The following POLL variants were observed in gnomAD, a reference collection of about 807,000 sequenced individuals.
The protein encoded by POLL is DNA polymerase beta-2.
Under a neutral mutation model 58.1 loss-of-function variants are expected in POLL, and 44 were observed. The observed-to-expected ratio is 0.76, with a 90% CI of 0.60 to 0.97. The LOEUF is 0.97. POLL is among the 50% of genes least tolerant of loss of function. The probability of loss-of-function intolerance (pLI) is 0.00; values close to 1 mark genes in which losing one functional copy is unlikely to be tolerated. For missense variants in POLL, 632 were observed against 736.8 expected (o/e 0.86, Z 1.65); for synonymous variants, 290 against 283.2 (o/e 1.02, Z -0.24).
rs373655289 is a variant in POLL at position 101,582,942 on chromosome 10, G to A, written c.1066-51C>T. On this transcript the variant is annotated intron_variant, in intron 6 of 8. Coordinates refer to ENST00000370162, the MANE Select transcript of POLL (RefSeq NM_001174084.2). ...GCTGTAAGGATCCAGGACCAATGAA[G>A]AGGCATGAGTGAGCACACACACAAG... 6 of 1,611,952 alleles carry A rather than the reference G, an allele frequency of 3.7e-6. No individual in the cohort carries two copies. The African/African-American group carries it at 6.7e-5, about 18-fold the overall frequency.
In POLL at chr10:101,584,953, C is replaced by A. The variant is rs1240236659; in HGVS notation, c.574-34G>T. On this transcript the variant is annotated intron_variant, in intron 4 of 8. Transcript: ENST00000370162. ...AGAGAAGAAAAGAAAACAATAAATT[C>A]TTGTTCTCCAAGAGAAGGGATCCTT... is the stretch of plus-strand genomic sequence containing the variant. The A allele has an allele frequency of 1.7e-5, 22 of 1,310,782 alleles. 1 individual carries two copies. In the South Asian group the frequency reaches 5.2e-4, roughly 31 times the overall value. 81.2% of individuals were successfully genotyped at this position (1,310,782 alleles called of 1,614,324 possible).
rs1040417492 is a variant in POLL at position 101,579,092 on chromosome 10, C to A, written c.*361G>T. On this transcript the variant is annotated 3_prime_UTR_variant, in exon 9 of 9. Coordinates refer to ENST00000370162, the MANE Select transcript of POLL (RefSeq NM_001174084.2). The surrounding 1 kb of genome is among the most constrained non-coding windows in gnomAD (Gnocchi z 4.4). ...CTCTCCCCTGCAGCTTCTGTCCCCA[C>A]CCAGCAGCTTGGCCTTTCCCATAGC... The A allele has an allele frequency of 1.1e-5, 3 of 281,754 alleles. No homozygotes were observed. The highest frequency in any genetic ancestry group is 4.3e-5 in the African/African-American group (2 of 46,190). 17.5% of individuals were successfully genotyped at this position (281,754 alleles called of 1,614,324 possible). A position where few individuals can be genotyped will look rare whatever the true frequency, so the allele number is the denominator to read the frequency against.
Position 101,579,820 on chromosome 10 carries a change from G to T in POLL, c.1364-3C>A. The T allele has an allele frequency of 6.2e-7, 1 of 1,610,436 alleles. No individual in the cohort carries two copies. Among genetic ancestry groups the T allele is most frequent in the Non-Finnish European group, 8.5e-7 (1 of 1,178,126 alleles). ...CACCAAGTCATCTGTGAGGAACCCTGGCCCAACAGAGGGGACTGCTGGGAG... is the reference window on the plus strand; with the variant it reads ...CACCAAGTCATCTGTGAGGAACCCTTGCCCAACAGAGGGGACTGCTGGGAG... On this transcript the variant is annotated splice_region_variant and splice_polypyrimidine_tract_variant and intron_variant, in intron 8 of 8. Coordinates refer to ENST00000370162, the MANE Select transcript of POLL (RefSeq NM_001174084.2). The surrounding 1 kb of genome is among the most constrained non-coding windows in gnomAD (Gnocchi z 4.4).
Position 101,579,527 on chromosome 10 carries a change from G to A in POLL, c.1654C>T (p.Pro552Ser), listed in dbSNP as rs1445065119. ...AAGACATCCTTCTCAGTGGGAGTGG[G>A]CAGCACTCGGCCAGGCCCCACCTTG... is the stretch of plus-strand genomic sequence containing the variant. ...GCKVGPGRVL[P>S]TPTEKDVFRL... The change falls in exon 9 of 9, where the codon CCC (proline) becomes TCC (serine). Residue 552 changes from proline (P) to serine (S), a missense_variant. Pro to Ser is a moderately conservative substitution (Grantham distance 74). Transcript: ENST00000370162. The surrounding 1 kb of genome is among the most constrained non-coding windows in gnomAD (Gnocchi z 4.4). 8 of 1,613,808 alleles carry A rather than the reference G, an allele frequency of 5.0e-6. No individual in the cohort carries two copies. Among genetic ancestry groups the A allele is most frequent in the Non-Finnish European group, 6.8e-6 (8 of 1,179,982 alleles).
In POLL at chr10:101,582,796, C is replaced by T; in HGVS notation, c.1161G>A (p.Met387Ile). Residue 387 changes from methionine to isoleucine, a missense_variant, in exon 7 of 9, where the codon ATG becomes ATA. Coordinates refer to ENST00000370162, the MANE Select transcript of POLL (RefSeq NM_001174084.2). ...CAATCTCTGTAGCCTCCTCCCTGGG[C>T]ATACGTTCCAGGAAGTCACTGTAAT... ...LKHYSDFLER[M>I]PREEATEIEQ... The T allele has an allele frequency of 2.5e-6, 4 of 1,614,214 alleles. No individual in the cohort carries two copies. The highest frequency in any genetic ancestry group is 2.2e-5 in the East Asian group (1 of 44,890).
chr10:101,584,915 A>G lies in POLL; in HGVS notation c.578T>C (p.Ile193Thr), dbSNP rs1410904428. ...KEAPNTQAQP[I>T]SDDEASDGEE... Reference sequence around the variant, plus strand: ...CCCATCACTGGCTTCATCATCAGAGATGGGCTTGGGATAGAGAAGAAAAGA... The same window carrying G: ...CCCATCACTGGCTTCATCATCAGAGGTGGGCTTGGGATAGAGAAGAAAAGA... The change falls in exon 5 of 9, where the codon ATC becomes ACC. Residue 193 changes from isoleucine (I) to threonine (T), a missense_variant. Transcript: ENST00000370162. The G allele has an allele frequency of 1.4e-6, 2 of 1,421,176 alleles. No homozygotes were observed. Among genetic ancestry groups the G allele is most frequent in the African/African-American group, 1.4e-5 (1 of 69,458 alleles). The allele number at this position is 1,421,176 out of a possible 1,614,324, so 88.0% of individuals were successfully genotyped here.
rs1589674358 is a variant in POLL at position 101,582,888 on chromosome 10, A to C, written c.1069T>G (p.Phe357Val). 2 of 1,614,194 alleles carry C rather than the reference A, an allele frequency of 1.2e-6. No individual in the cohort carries two copies. Among genetic ancestry groups the C allele is most frequent in the Middle Eastern group, 1.6e-4 (1 of 6,062 alleles). The change falls in exon 7 of 9, where the codon TTC becomes GTC. Residue 357 changes from phenylalanine to valine, a missense_variant. Physicochemically the swap from Phe to Val is conservative, Grantham distance 50 (BLOSUM62 -1). Transcript: ENST00000370162. ...KTAQMWYQQG[F>V]RSLEDIRSQA... The stretch of plus-strand genomic sequence containing the variant: ...CTGCGGATGTCTTCCAGACTTCGGA[A>C]GCCCTGGAAAAAAGCAGCCAGATGG...
chr10:101,587,287 A>G lies in POLL; in HGVS notation c.74T>C (p.Leu25Pro), dbSNP rs1162606453. 1 of 1,614,106 alleles carries G rather than the reference A, an allele frequency of 6.2e-7. No individual in the cohort carries two copies. The highest frequency in any genetic ancestry group is 8.5e-7 in the Non-Finnish European group (1 of 1,180,002). ...KIHADASSKV[L>P]AKIPRREEGE... is the part of the protein sequence containing the mutation. ...CTCTTCCCTCCTAGGAATCTTTGCA[A>G]GTACTTTTGATGATGCATCAGCATG... Residue 25 changes from leucine to proline, a missense_variant, in exon 2 of 9, where the codon CTT becomes CCT. Transcript: ENST00000370162.
Position 101,579,318 on chromosome 10 carries a change from G to A in POLL, c.*135C>T, listed in dbSNP as rs2062845347. On this transcript the variant is annotated 3_prime_UTR_variant, in exon 9 of 9. Transcript: ENST00000370162. The surrounding 1 kb of genome is among the most constrained non-coding windows in gnomAD (Gnocchi z 4.4). Reference sequence around the variant, plus strand: ...GGCTGGCTCTTGCTTCAGGCCCAGAGCCCTGGGCCCTGCTCGCTGAGGAAG... The same window carrying A: ...GGCTGGCTCTTGCTTCAGGCCCAGAACCCTGGGCCCTGCTCGCTGAGGAAG... 9 of 1,061,300 alleles carry A rather than the reference G, an allele frequency of 8.5e-6. No individual in the cohort carries two copies. Among genetic ancestry groups the A allele is most frequent in the South Asian group, 1.6e-5 (1 of 63,264 alleles). The allele number at this position is 1,061,300 out of a possible 1,614,324, so 65.7% of individuals were successfully genotyped here. A position where few individuals can be genotyped will look rare whatever the true frequency, so the allele number is the denominator to read the frequency against.
Position 101,588,231 on chromosome 10 carries a change from G to A in POLL, c.-456C>T, listed in dbSNP as rs28372815. On this transcript the variant is annotated 5_prime_UTR_variant, in exon 1 of 9. Coordinates refer to ENST00000370162, the MANE Select transcript of POLL (RefSeq NM_001174084.2). Reference sequence around the variant, plus strand: ...GCAGAGCCAATGAGAGCGGACGAAGGGGGGAAGGAGGGCAAATGGCCAGAA... The same window carrying A: ...GCAGAGCCAATGAGAGCGGACGAAGAGGGGAAGGAGGGCAAATGGCCAGAA... 6.5e-7 allele frequency: 1 copy of A among 1,549,922 alleles called. No homozygotes were observed. Among genetic ancestry groups the A allele is most frequent in the Non-Finnish European group, 8.7e-7 (1 of 1,146,908 alleles).
Position 101,579,672 on chromosome 10 carries a change from C to T in POLL, c.1509G>A (p.Leu503=). 6.2e-7 allele frequency: 1 copy of T among 1,613,918 alleles called. No homozygotes were observed. Among genetic ancestry groups the T allele is most frequent in the South Asian group, 1.1e-5 (1 of 91,080 alleles). Residue 503 remains leucine (L), a synonymous_variant, in exon 9 of 9, where the codon CTG becomes CTA. Transcript: ENST00000370162. The surrounding 1 kb of genome is among the most constrained non-coding windows in gnomAD (Gnocchi z 4.4). ...AGTGTGCAGAGCCGGTGAAGTAGAG[C>T]AGGGCACAGGCAAACTCGCTATAGG... ...VVPYSEFACA[L]LYFTGSAHFN...
chr10:101,585,185 G>C, intron 4 of POLL, 131 bp downstream of exon 4: 1 of 741,084 alleles, frequency 1.3e-6, no homozygotes, highest in Non-Finnish European at 2.2e-6. Flanking sequence ...GTTGGGAAGA[G>C]CTAAATGGCT....
In POLL at chr10:101,585,351, G is replaced by T. The variant is rs1271780553; in HGVS notation, c.538C>A (p.Gln180Lys). Reference protein sequence around the residue: ...PPPTRPVSPPQKAKEAPNTQA... With the variant: ...PPPTRPVSPPKKAKEAPNTQA... ...GTGTTTGGTGCCTCTTTTGCCTTTT[G>T]GGGAGGAGACACAGGCCTGGTGGGA... The change falls in exon 4 of 9, where the codon CAA (glutamine) becomes AAA (lysine). Residue 180 changes from glutamine to lysine, a missense_variant. By Grantham distance (53) the Gln-to-Lys change is moderately conservative. Transcript: ENST00000370162. 6.3e-7 allele frequency: 1 copy of T among 1,594,048 alleles called. No individual in the cohort carries two copies. Among genetic ancestry groups the T allele is most frequent in the African/African-American group, 1.3e-5 (1 of 74,086 alleles).
chr10:101,583,579 C>T lies in POLL; in HGVS notation c.994G>A (p.Val332Met), dbSNP rs778506125. Residue 332 changes from valine (V) to methionine (M), a missense_variant, in exon 6 of 9, where the codon GTG becomes ATG. By Grantham distance (21) the Val-to-Met change is conservative. Transcript: ENST00000370162. ...LRKLDHISESVPVLELFSNIW... is the reference protein window; with the variant it reads ...LRKLDHISESMPVLELFSNIW... ...TTGGAGAAGAGCTCCAAGACAGGCA[C>T]GCTCTCACTGATATGGTCCAGCTTC... The T allele has an allele frequency of 5.6e-6, 9 of 1,613,964 alleles. No individual in the cohort carries two copies. Among genetic ancestry groups the T allele is most frequent in the African/African-American group, 2.7e-5 (2 of 74,924 alleles).
chr10:101,587,798 A>T, intron 1 of POLL, 24 bp downstream of exon 1: 2 of 1,189,886 alleles, frequency 1.7e-6, no homozygotes, highest in African/African-American at 3.2e-5. Flanking sequence ...ACCTGCACAT[A>T]AACCCCACAT....
At chr10:101,584,268 C>G (rs961917557) in intron 5 of POLL, among the ~76,000 whole-genome samples, 1 of 151,742 alleles carries the variant, frequency 6.6e-6, no homozygotes, top group Non-Finnish European at 1.5e-5. Flanking sequence ...TTGCTTGAGC[C>G]CAGGAGTTCA....
rs765062611 is a variant in POLL, at chr10:101,580,323, C to T, written c.1288G>A (p.Val430Met). 1.6e-5 allele frequency: 26 copies of T among 1,613,934 alleles called. No homozygotes were observed. The highest frequency in any genetic ancestry group is 1.6e-4 in the Middle Eastern group (1 of 6,084). The part of the protein sequence containing the change: ...RGKATCGDVD[V>M]LITHPDGRSH... ...CGGCCATCTGGGTGAGTGATGAGCA[C>T]GTCGACATCACCACAGGTCGCCTTT... Residue 430 changes from valine (V) to methionine (M), a missense_variant, in exon 8 of 9, where the codon GTG (valine) becomes ATG (methionine). Coordinates refer to ENST00000370162, the MANE Select transcript of POLL (RefSeq NM_001174084.2). This position sits in a 1 kb window ranked among gnomAD's most constrained non-coding sequence, Gnocchi z 4.1.
rs756946598 is a variant in POLL, at chr10:101,586,053, G to A, written c.219C>T (p.Cys73=). The A allele has an allele frequency of 2.5e-6, 4 of 1,613,926 alleles. No homozygotes were observed. The highest frequency in any genetic ancestry group is 3.4e-6 in the Non-Finnish European group (4 of 1,180,008). ...KQIVQHGGQL[C]PAQGPGVTHI... is the part of the protein sequence containing the mutation. ...GAGTGACACCTGGGCCCTGGGCAGG[G>A]CATAGCTGGCCGCCATGCTGAACAA... Residue 73 remains cysteine (C), a synonymous_variant, in exon 3 of 9, where the codon TGC becomes TGT. Coordinates refer to ENST00000370162, the MANE Select transcript of POLL (RefSeq NM_001174084.2).
At position 101,582,766 on chromosome 10, in the gene POLL, C is replaced by T. The variant is rs141596425; in HGVS notation, c.1191G>A (p.Gln397=). 6.2e-7 allele frequency: 1 copy of T among 1,613,934 alleles called. No homozygotes were observed. Among genetic ancestry groups the T allele is most frequent in the African/African-American group, 1.3e-5 (1 of 75,058 alleles). The change falls in exon 7 of 9, where the codon CAG becomes CAA. Residue 397 remains glutamine, a synonymous_variant. Transcript: ENST00000370162. The part of the protein sequence containing the change: ...MPREEATEIE[Q]TVQKAAQAFN... ...CTGCTCTGGGACACCTGCTTACTGTCTGCTCAATCTCTGTAGCCTCCTCCC... is the reference window on the plus strand; with the variant it reads ...CTGCTCTGGGACACCTGCTTACTGTTTGCTCAATCTCTGTAGCCTCCTCCC...
Sources: gnomAD v4.1 joint callset for allele counts (sites outside exome capture counted in the v4.1 genomes callset) on GRCh38, gnomAD v4.1.1 for gene constraint, Gnocchi (gnomAD v3.1) non-coding constraint, MANE v1.5 for transcripts, NCBI Gene and HGNC (gene_info 2026-07-23, HGNC 2026-07-21) for gene names.